Variants in SUPT20H observed in about 807,000 individuals in gnomAD.
SUPT20H encodes SPT20 homolog, SAGA complex component, also known as transcription factor SPT20 homolog.
A neutral mutation model predicts 122.8 loss-of-function variants in SUPT20H; 82 were observed. That is an observed-to-expected ratio of 0.67 (90% CI 0.56 to 0.80). The LOEUF is 0.80. SUPT20H is among the 30% of genes least tolerant of loss of function. SUPT20H has a pLI of 0.00. For missense variants in SUPT20H, 831 were observed against 921.6 expected, an observed-to-expected ratio of 0.90 and a Z score of 1.27; for synonymous variants, 291 against 313.0, an observed-to-expected ratio of 0.93 and a Z score of 0.74.
chr13:37,051,835 C>T (rs1219070169), intron 1 of SUPT20H, among the ~76,000 whole-genome samples: 1 of 152,080 alleles, frequency 6.6e-6, no homozygotes, highest in Non-Finnish European at 1.5e-5. Flanking sequence ...CTCCTTTTCT[C>T]AAAAATACTT....
intron 1 of SUPT20H, among the ~76,000 whole-genome samples, chr13:37,053,904 A>G (rs1297770056): frequency 6.6e-6 from 1 of 152,192 alleles, no homozygotes; most frequent in African/African-American, 2.4e-5. Flanking sequence ...GAGAAGAATC[A>G]AATAGACGCA....
At chr13:37,021,834 A>C (rs2061496457) in intron 20 of SUPT20H, among the ~76,000 whole-genome samples, 177 bp downstream of exon 20, 1 of 152,226 alleles carries the variant, frequency 6.6e-6, no homozygotes, top group South Asian at 2.1e-4. Flanking sequence ...TGCAGTTAAC[A>C]GATGTATTAT....
chr13:37,046,376 A>C (rs1177162960), intron 5 of SUPT20H, among the ~76,000 whole-genome samples: 1 of 152,200 alleles, frequency 6.6e-6, no homozygotes, highest in Non-Finnish European at 1.5e-5. Context: ...AACAAAACAA[A>C]TTAGCTACCA....
At chr13:37,011,590 G>A (rs1050858028) in intron 24 of SUPT20H, among the ~76,000 whole-genome samples, 8 of 144,532 alleles carry the variant, frequency 5.5e-5, no homozygotes, top group South Asian at 2.1e-4. Flanking sequence ...TAGAATTATC[G>A]TCTTCAACTG....
chr13:37,017,475 T>C, intron 22 of SUPT20H, 111 bp from the exon 23 acceptor site: 1 of 1,134,944 alleles, frequency 8.8e-7, no homozygotes, highest in East Asian at 2.7e-5. Flanking sequence ...CTCTTCTAGT[T>C]ATTGAAGAAA....
rs1342754785 is a variant in SUPT20H, at chr13:37,012,211, A to G, written c.2079T>C (p.Phe693=). 2 of 1,613,264 alleles carry G rather than the reference A, an allele frequency of 1.2e-6. No individual in the cohort carries two copies. The highest frequency in any genetic ancestry group is 2.2e-5 in the South Asian group (2 of 91,030). Residue 693 remains phenylalanine, a synonymous_variant, in exon 24 of 26, where the codon TTT becomes TTC. Transcript: ENST00000350612. ...AVINLTGVGS[F]MQSQAAVLSQ... ...ACCTACCAGCTGCCTGTGACTGCAT[A>G]AAACTTCCTACTCCAGTAAGGTTAA...
At chr13:37,050,769 A>G (rs1426626258) in intron 2 of SUPT20H, among the ~76,000 whole-genome samples, 1 of 152,214 alleles carries the variant, frequency 6.6e-6, no homozygotes, top group Non-Finnish European at 1.5e-5. Context: ...TCAGAACCCC[A>G]CTGTGATACT....
At chr13:37,010,805 A>G in intron 24 of SUPT20H, 150 bp from the exon 25 acceptor site, 1 of 577,104 alleles carries the variant, frequency 1.7e-6, no homozygotes, top group Non-Finnish European at 3.0e-6. Flanking sequence ...GAATAAATTT[A>G]GTATATGGTC....
Position 37,017,104 on chromosome 13 carries a change from C to A in SUPT20H, c.1992+141G>T, listed in dbSNP as rs1333731033. 16 of 1,146,412 alleles carry A rather than the reference C, an allele frequency of 1.4e-5. No individual in the cohort carries two copies. The East Asian group carries it at 3.7e-4, about 27-fold the overall frequency. The allele number at this position is 1,146,412 out of a possible 1,614,324, so 71.0% of individuals were successfully genotyped here. Reference sequence around the variant, plus strand: ...GACTGTTTTATTAGGAATACACACCCAATAGCTGATTGCTACTATTGTTAA... The same window carrying A: ...GACTGTTTTATTAGGAATACACACCAAATAGCTGATTGCTACTATTGTTAA... On this transcript the variant is annotated intron_variant, in intron 23 of 25. Transcript: ENST00000350612.
intron 19 of SUPT20H, chr13:37,023,159 G>A (rs899880349): frequency 1.7e-5 from 17 of 976,124 alleles, no homozygotes; most frequent in Non-Finnish European, 2.1e-5. Context: ...CATAAGAAGT[G>A]TGAATAAGAC....
At chr13:37,050,011 A>G (rs890479222) in intron 2 of SUPT20H, among the ~76,000 whole-genome samples, 6 of 152,152 alleles carry the variant, frequency 3.9e-5, no homozygotes, top group African/African-American at 1.4e-4. Context: ...GGGAAAAACA[A>G]ATACTGCCAC....
chr13:37,029,960 G>C (rs1268497655), intron 12 of SUPT20H, 124 bp from the exon 13 acceptor site: 1 of 665,220 alleles, frequency 1.5e-6, no homozygotes, highest in Admixed American at 3.9e-5. Context: ...GTTAGCGCAA[G>C]AATTCTTAAA....
At chr13:37,011,493 C>T (rs577856753) in intron 24 of SUPT20H, among the ~76,000 whole-genome samples, 2 of 152,148 alleles carry the variant, frequency 1.3e-5, no homozygotes, top group Non-Finnish European at 2.9e-5. Context: ...TGATAAGATG[C>T]TGACAACACA....
intron 6 of SUPT20H, 134 bp downstream of exon 6, chr13:37,045,113 A>T: frequency 4.4e-6 from 5 of 1,130,938 alleles, no homozygotes; most frequent in Non-Finnish European, 6.2e-6. Flanking sequence ...ACTGGGATCA[A>T]AATCTGTTTT....
Position 37,031,828 on chromosome 13 carries a change from G to A in SUPT20H, c.775C>T (p.Pro259Ser). The A allele has an allele frequency of 1.9e-6, 3 of 1,610,998 alleles. No individual in the cohort carries two copies. The highest frequency in any genetic ancestry group is 1.1e-5 in the South Asian group (1 of 90,328). ...AAGAAATCAAGTAACCTCAGCTGAG[G>A]AGGAGGTGGACAATGAGATAGATCT... The part of the protein sequence containing the change: ...QQDLSHCPPP[P>S]QLRLLDFLQK... Residue 259 changes from proline (P) to serine (S), a missense_variant, in exon 11 of 26, where the codon CCT becomes TCT. Pro to Ser is a moderately conservative substitution (Grantham distance 74). Coordinates refer to ENST00000350612, the MANE Select transcript of SUPT20H (RefSeq NM_001014286.3).
rs2065265701 is a variant in SUPT20H at position 37,040,414 on chromosome 13, T to C, written c.558A>G (p.Lys186=). Reference sequence around the variant, plus strand: ...AAACAAAACAACTAACCTGGGTCCATTTGTGGTTATCACTTGTTATTGAAT... The same window carrying C: ...AAACAAAACAACTAACCTGGGTCCACTTGTGGTTATCACTTGTTATTGAAT... ...DVHSITSDNH[K]WTQEDKLLLE... is the part of the protein sequence containing the mutation. Residue 186 remains lysine, a synonymous_variant, in exon 9 of 26, where the codon AAA becomes AAG. Transcript: ENST00000350612. 6.4e-7 allele frequency: 1 copy of C among 1,572,742 alleles called. No homozygotes were observed. The highest frequency in any genetic ancestry group is 1.4e-5 in the African/African-American group (1 of 72,520).
At chr13:37,041,390 C>CAT in intron 7 of SUPT20H, among the ~76,000 whole-genome samples, 1 of 151,678 alleles carries the variant, frequency 6.6e-6, no homozygotes, top group African/African-American at 2.4e-5. Context: ...TGGTGGCGAG[C>CAT]GCCTGTAGTC....
In SUPT20H at chr13:37,021,575, T is replaced by G. The variant is rs1236998786; in HGVS notation, c.1689A>C (p.Ser563=). The G allele has an allele frequency of 2.5e-6, 4 of 1,613,414 alleles. No homozygotes were observed. Among genetic ancestry groups the G allele is most frequent in the Admixed American group, 3.3e-5 (2 of 59,954 alleles). Residue 563 remains serine, a synonymous_variant, in exon 21 of 26, where the codon TCA becomes TCC. Transcript: ENST00000350612. ...VCGAQALMSG[S]NPMLGCNTGA... The stretch of plus-strand genomic sequence containing the variant: ...CAGTGTTACAGCCCAGCATGGGGTT[T>G]GAACCACTCATCAAAGCCTGGGCCC...
intron 2 of SUPT20H, among the ~76,000 whole-genome samples, chr13:37,050,258 T>C (rs2067373445): frequency 6.7e-6 from 1 of 148,582 alleles, no homozygotes; most frequent in Non-Finnish European, 1.5e-5. Context: ...CTGTGGCACA[T>C]GCCTGTAATT....
Sources: gnomAD v4.1 joint callset for allele counts (sites outside exome capture counted in the v4.1 genomes callset) on GRCh38, gnomAD v4.1.1 for gene constraint, MANE v1.5 for transcripts, NCBI Gene and HGNC (gene_info 2026-07-23, HGNC 2026-07-21) for gene names.